AP4E1: variants seen among roughly 807,000 people sequenced by gnomAD.
AP4E1 encodes adaptor related protein complex 4 subunit epsilon 1.
A neutral mutation model predicts 128.2 loss-of-function variants in AP4E1; 56 were observed. That is an observed-to-expected ratio of 0.44 (90% confidence interval 0.35 to 0.55). AP4E1 has a LOEUF of 0.55. Ranked by LOEUF, AP4E1 falls within the 20% of genes least tolerant of loss-of-function variation. The pLI, the probability that AP4E1 is intolerant of heterozygous loss-of-function variation, is 0.00. For synonymous variants in AP4E1, 484 were observed against 473.1 expected (o/e 1.02, Z -0.30); for missense variants, 1,324 against 1,307.7 (o/e 1.01, Z -0.19).
At chr15:50,911,956 C>A in intron 1 of AP4E1, 122 bp from the exon 2 acceptor site, 1 of 826,758 alleles carries the variant, frequency 1.2e-6, no homozygotes, top group South Asian at 1.5e-5. Flanking sequence ...TTGTAACTCT[C>A]CTTTAAAATA....
chr15:50,990,377 T>TTA (rs2064789788), intron 16 of AP4E1, among the ~76,000 whole-genome samples: 1 of 60,068 alleles, frequency 1.7e-5, no homozygotes, highest in Non-Finnish European at 4.0e-5. Flanking sequence ...TATTATTATT[T>TTA]GAGACAAGTC....
intron 5 of AP4E1, among the ~76,000 whole-genome samples, chr15:50,926,739 C>T (rs1467926785): frequency 6.6e-6 from 1 of 151,892 alleles, no homozygotes; most frequent in Non-Finnish European, 1.5e-5. Flanking sequence ...GTTGGAACTA[C>T]AGGCGCCCGC....
intron 16 of AP4E1, among the ~76,000 whole-genome samples, chr15:50,984,353 C>T (rs1271783051): frequency 6.6e-6 from 1 of 151,916 alleles, no homozygotes; most frequent in African/African-American, 2.4e-5. Flanking sequence ...AGGTTCACAA[C>T]GTGCAGGTTT....
Position 50,948,183 on chromosome 15 carries a change from G to A in AP4E1, c.1316+24G>A, listed in dbSNP as rs375938140. 2.7e-4 allele frequency: 437 copies of A among 1,613,000 alleles called. 1 individual carries two copies. Among genetic ancestry groups the A allele is most frequent in the Admixed American group, 1.7e-3 (99 of 59,976 alleles). On this transcript the variant is annotated intron_variant, in intron 11 of 20. Coordinates refer to ENST00000261842, the MANE Select transcript of AP4E1 (RefSeq NM_007347.5). The stretch of plus-strand genomic sequence containing the variant: ...AAATATCCTTTTATTTCGACCATGA[G>A]TCTTAAAATAGTTAGTTATGCAGTG...
chr15:50,977,653 A>G (rs1199676680), intron 15 of AP4E1, among the ~76,000 whole-genome samples: 1 of 149,716 alleles, frequency 6.7e-6, no homozygotes, highest in Non-Finnish European at 1.5e-5. Flanking sequence ...GGAAATAGGT[A>G]TTTTATGCAT....
intron 7 of AP4E1, 152 bp from the exon 8 acceptor site, chr15:50,934,472 T>C (rs911724256): frequency 5.0e-6 from 3 of 600,382 alleles, no homozygotes; most frequent in African/African-American, 1.8e-5. Context: ...ACAGCAAACC[T>C]TTTAAGAAGT....
At chr15:50,924,039 A>C (rs370712651) in intron 4 of AP4E1, 35 bp downstream of exon 4, 1 of 1,519,352 alleles carries the variant, frequency 6.6e-7, no homozygotes, top group South Asian at 1.1e-5. Flanking sequence ...ATGAAGTCAT[A>C]ATTCTTGTCA....
chr15:50,927,035 T>C (rs1355437876), intron 5 of AP4E1, among the ~76,000 whole-genome samples: 3 of 152,246 alleles, frequency 2.0e-5, no homozygotes, highest in Non-Finnish European at 4.4e-5. Flanking sequence ...AGGATGATTA[T>C]GGACAATTAA....
At chr15:50,979,586 A>G (rs927076426) in intron 15 of AP4E1, among the ~76,000 whole-genome samples, 2 of 152,080 alleles carry the variant, frequency 1.3e-5, no homozygotes, top group African/African-American at 4.8e-5. Context: ...GTGCAGTGGC[A>G]TGATCTCGAC....
At chr15:50,949,617 C>T (rs2064116616) in intron 11 of AP4E1, among the ~76,000 whole-genome samples, 1 of 151,970 alleles carries the variant, frequency 6.6e-6, no homozygotes, top group Admixed American at 6.6e-5. Context: ...GCCAAAGTGA[C>T]ATAAACTCAG....
intron 3 of AP4E1, among the ~76,000 whole-genome samples, chr15:50,920,806 A>G (rs939145152): frequency 3.3e-5 from 5 of 152,078 alleles, no homozygotes; most frequent in African/African-American, 4.8e-5. Flanking sequence ...TTTTATTTGT[A>G]TCTTCTTCTG....
chr15:50,933,990 C>T (rs1317992650), intron 7 of AP4E1, among the ~76,000 whole-genome samples: 3 of 151,890 alleles, frequency 2.0e-5, no homozygotes, highest in Non-Finnish European at 4.4e-5. Context: ...GGATATTTGT[C>T]TAACAAGCGT....
At chr15:50,954,465 T>G (rs1428655438) in intron 13 of AP4E1, among the ~76,000 whole-genome samples, 1 of 151,874 alleles carries the variant, frequency 6.6e-6, no homozygotes, top group Non-Finnish European at 1.5e-5. Context: ...AGTTTGTTGT[T>G]GTTGTTGTTG....
intron 13 of AP4E1, among the ~76,000 whole-genome samples, chr15:50,951,200 A>G (rs2064145407): frequency 6.6e-6 from 1 of 152,226 alleles, no homozygotes; most frequent in Non-Finnish European, 1.5e-5. Flanking sequence ...GGTGTTGGCT[A>G]GGGCTACTGT....
chr15:50,954,080 T>C (rs1309459427), intron 13 of AP4E1, among the ~76,000 whole-genome samples: 1 of 152,194 alleles, frequency 6.6e-6, no homozygotes, highest in Non-Finnish European at 1.5e-5. Context: ...ACAAATACAA[T>C]AGATTTTGTA....
At chr15:50,979,324 AT>A (rs1310544458) in intron 15 of AP4E1, among the ~76,000 whole-genome samples, 2 of 152,184 alleles carry the variant, frequency 1.3e-5, no homozygotes, top group Non-Finnish European at 2.9e-5. Flanking sequence ...TGATCAGGCC[AT>A]GAGGAATCTG....
intron 3 of AP4E1, among the ~76,000 whole-genome samples, chr15:50,917,253 T>C (rs1363473371): frequency 6.6e-6 from 1 of 152,214 alleles, no homozygotes; most frequent in African/African-American, 2.4e-5. Flanking sequence ...TAAGGAAAAA[T>C]GTGTTAGATG....
rs766231443 is a variant in AP4E1 at position 50,908,926 on chromosome 15, C to A, written c.148C>A (p.His50Asn). Residue 50 changes from histidine to asparagine, a missense_variant and splice_region_variant, in exon 1 of 21, where the codon CAC becomes AAC. Coordinates refer to ENST00000261842, the MANE Select transcript of AP4E1 (RefSeq NM_007347.5). ...CGGCATCACAGCCCTCACCTCCAAG[C>A]ACGTAGGTGCCCGCCGGCCCGGGAG... ...VRGITALTSKHEEEKLIQQEL... is the reference protein window; with the variant it reads ...VRGITALTSKNEEEKLIQQEL... The A allele has an allele frequency of 6.2e-7, 1 of 1,610,842 alleles. No homozygotes were observed. Among genetic ancestry groups the A allele is most frequent in the Non-Finnish European group, 8.5e-7 (1 of 1,179,480 alleles).
At chr15:50,913,785 T>C (rs2063594505) in intron 2 of AP4E1, among the ~76,000 whole-genome samples, 1 of 152,158 alleles carries the variant, frequency 6.6e-6, no homozygotes, top group South Asian at 2.1e-4. Flanking sequence ...TTATCTTTTG[T>C]TTGTTTTCTC....
Sources: gnomAD v4.1 joint callset for allele counts (sites outside exome capture counted in the v4.1 genomes callset) on GRCh38, gnomAD v4.1.1 for gene constraint, MANE v1.5 for transcripts, NCBI Gene and HGNC (gene_info 2026-07-23, HGNC 2026-07-21) for gene names.